Variants in PAPPA2 observed in about 807,000 individuals in gnomAD.
The protein encoded by PAPPA2 is pappalysin 2.
A neutral mutation model predicts 176.4 loss-of-function variants in PAPPA2; 86 were observed. That is an observed-to-expected ratio of 0.49 (90% CI 0.41 to 0.58). The LOEUF is 0.58. Ranked by LOEUF, PAPPA2 falls within the 20% of genes least tolerant of loss-of-function variation. The pLI, the probability that PAPPA2 is intolerant of heterozygous loss-of-function variation, is 0.00. For synonymous variants in PAPPA2, 809 were observed against 852.2 expected (o/e 0.95, Z 0.88); for missense variants, 2,073 against 2,256.9 (o/e 0.92, Z 1.65).
At position 176,765,805 on chromosome 1, in the gene PAPPA2, G is replaced by A. The variant is rs781743232; in HGVS notation, c.4291G>A (p.Ala1431Thr). The A allele has an allele frequency of 6.2e-7, 1 of 1,614,128 alleles. No individual in the cohort carries two copies. The highest frequency in any genetic ancestry group is 8.5e-7 in the Non-Finnish European group (1 of 1,180,018). Reference protein sequence around the residue: ...ITCQRGFALQASSGQYIRPMQ... With the variant: ...ITCQRGFALQTSSGQYIRPMQ... Reference sequence around the variant, plus strand: ...TTGTCAAAGGGGATTTGCCCTTCAGGCCAGCAGTGGGCAGTACATCAGGCC... The same window carrying A: ...TTGTCAAAGGGGATTTGCCCTTCAGACCAGCAGTGGGCAGTACATCAGGCC... Residue 1431 changes from alanine (A) to threonine (T), a missense_variant, in exon 15 of 23, where the codon GCC (alanine) becomes ACC (threonine). By Grantham distance (58) the Ala-to-Thr change is moderately conservative. Transcript: ENST00000367662.
chr1:176,762,812 A>G (rs1663758107), intron 14 of PAPPA2, among the ~76,000 whole-genome samples: 1 of 151,900 alleles, frequency 6.6e-6, no homozygotes, highest in Non-Finnish European at 1.5e-5. Flanking sequence ...CTCATTAACA[A>G]CCCCCACCTT....
At chr1:176,795,305 T>A (rs939918929) in intron 20 of PAPPA2, among the ~76,000 whole-genome samples, 3 of 152,186 alleles carry the variant, frequency 2.0e-5, no homozygotes, top group African/African-American at 7.2e-5. Context: ...CCCCGGTATC[T>A]CCTCAATGCG....
At chr1:176,829,464 C>T (rs1667002098) in intron 21 of PAPPA2, among the ~76,000 whole-genome samples, 1 of 152,186 alleles carries the variant, frequency 6.6e-6, no homozygotes, top group Non-Finnish European at 1.5e-5. Context: ...GGTGAACAGG[C>T]AGGGATGAGC....
chr1:176,553,262 A>C, intron 1 of PAPPA2, among the ~76,000 whole-genome samples: 1 of 110,476 alleles, frequency 9.1e-6, no homozygotes. Flanking sequence ...AGGGAGGGGG[A>C]AGAGAGGAGG....
intron 1 of PAPPA2, among the ~76,000 whole-genome samples, chr1:176,542,291 G>A (rs1650404840): frequency 1.3e-5 from 2 of 152,116 alleles, no homozygotes; most frequent in South Asian, 2.1e-4. Flanking sequence ...TGGGACATAG[G>A]AAAGGATTAA....
chr1:176,472,746 T>C (rs1229400657), intron 1 of PAPPA2, among the ~76,000 whole-genome samples: 1 of 152,162 alleles, frequency 6.6e-6, no homozygotes, highest in Non-Finnish European at 1.5e-5. Context: ...GCATAACAGT[T>C]TCAGAACATT....
In PAPPA2 at chr1:176,676,986, T is replaced by C. The variant is rs372198998; in HGVS notation, c.2137+5871T>C. On this transcript the variant is annotated intron_variant, in intron 4 of 22. Transcript: ENST00000367662. ...TATTTATATTTTATTCTTAATCCTTTGAGAAATAACTGTACTACCCTACAA... is the reference window on the plus strand; with the variant it reads ...TATTTATATTTTATTCTTAATCCTTCGAGAAATAACTGTACTACCCTACAA... Among the ~76,000 whole-genome samples, 15 of 152,268 alleles carry C rather than the reference T, an allele frequency of 9.9e-5. No homozygotes were observed. The East Asian group carries it at 2.7e-3, about 27-fold the overall frequency.
At chr1:176,842,295 A>G in intron 22 of PAPPA2, 85 bp from the exon 23 acceptor site, 2 of 1,251,842 alleles carry the variant, frequency 1.6e-6, no homozygotes, top group Non-Finnish European at 2.3e-6. Context: ...TTCCTCTGGG[A>G]CCAAGTGAGG....
intron 5 of PAPPA2, among the ~76,000 whole-genome samples, chr1:176,691,532 G>A (rs1241350523): frequency 6.6e-6 from 1 of 152,226 alleles, no homozygotes; most frequent in African/African-American, 2.4e-5. Context: ...TTAGGAAGCT[G>A]AGTGAGGCAG....
intron 2 of PAPPA2, among the ~76,000 whole-genome samples, chr1:176,564,752 A>G (rs570915179): frequency 8.9e-5 from 13 of 146,694 alleles, no homozygotes; most frequent in South Asian, 4.3e-4. Context: ...AAAAAAGCAT[A>G]CTGAGATGTA....
At chr1:176,619,322 T>G (rs1655452964) in intron 3 of PAPPA2, among the ~76,000 whole-genome samples, 1 of 152,236 alleles carries the variant, frequency 6.6e-6, no homozygotes, top group African/African-American at 2.4e-5. Flanking sequence ...AACTTATATC[T>G]ACACAAGCTC....
chr1:176,550,758 A>G (rs527583788), intron 1 of PAPPA2, among the ~76,000 whole-genome samples: 1 of 152,332 alleles, frequency 6.6e-6, no homozygotes, highest in East Asian at 1.9e-4. Context: ...ACAGTTCCAC[A>G]AGAAGATAGG....
chr1:176,678,809 A>G (rs74127224), intron 4 of PAPPA2, among the ~76,000 whole-genome samples: 3,361 of 152,168 alleles, frequency 0.022, 116 homozygotes, highest in African/African-American at 0.077. Flanking sequence ...TAGGTTCTCA[A>G]AAGCCTAAAA....
At chr1:176,469,844 A>G (rs1651791514) in intron 1 of PAPPA2, among the ~76,000 whole-genome samples, 1 of 152,178 alleles carries the variant, frequency 6.6e-6, no homozygotes. Context: ...CCAGGGCCAC[A>G]AGCACGTGGT....
chr1:176,488,598 G>A (rs1389823822), intron 1 of PAPPA2, among the ~76,000 whole-genome samples: 1 of 152,134 alleles, frequency 6.6e-6, no homozygotes, highest in Non-Finnish European at 1.5e-5. Context: ...TTTATATAGG[G>A]TTCAGATGCG....
At chr1:176,491,709 T>A (rs1221555557) in intron 1 of PAPPA2, among the ~76,000 whole-genome samples, 1 of 152,228 alleles carries the variant, frequency 6.6e-6, no homozygotes, top group African/African-American at 2.4e-5. Flanking sequence ...TTATTACTAT[T>A]AGTTCCTTAA....
intron 5 of PAPPA2, chr1:176,691,018 A>G (rs530906333): frequency 1.0e-6 from 1 of 985,176 alleles, no homozygotes; most frequent in African/African-American, 1.7e-5. Context: ...ATCTAATTTT[A>G]AAAAAATGGC....
At chr1:176,544,230 T>G (rs1650506558) in intron 1 of PAPPA2, among the ~76,000 whole-genome samples, 1 of 152,182 alleles carries the variant, frequency 6.6e-6, no homozygotes. Flanking sequence ...CAGTCTGTAA[T>G]AGTCTTGGAC....
intron 1 of PAPPA2, among the ~76,000 whole-genome samples, chr1:176,547,786 A>G (rs543890217): frequency 1.3e-5 from 2 of 152,334 alleles, no homozygotes; most frequent in Admixed American, 1.3e-4. Flanking sequence ...GCCTGGAGAC[A>G]TTGATAAAAT....
Sources: allele counts gnomAD v4.1 joint callset (sites outside exome capture counted in the v4.1 genomes callset), GRCh38; gene constraint gnomAD v4.1.1; transcripts MANE v1.5; gene names NCBI Gene and HGNC (gene_info 2026-07-23, HGNC 2026-07-21).